The following CD59 variants were observed in gnomAD, a reference collection of about 807,000 sequenced individuals.
The protein encoded by CD59 is CD59 molecule (CD59 blood group), also known as CD59 glycoprotein.
Under a neutral mutation model 7.0 loss-of-function variants are expected in CD59, and 3 were observed. The observed-to-expected ratio is 0.43, with a 90% CI of 0.19 to 1.10. The LOEUF is 1.10. Among genes scored for constraint, CD59 ranks in the 50% least tolerant of loss-of-function variants. CD59 has a pLI of 0.29. For synonymous variants in CD59, 60 were observed against 62.0 expected (o/e 0.97, Z 0.15); for missense variants, 143 against 151.0 (o/e 0.95, Z 0.28).
At chr11:33,714,607 A>T (rs1270749278) in intron 3 of CD59, among the ~76,000 whole-genome samples, 5 of 152,206 alleles carry the variant, frequency 3.3e-5, no homozygotes, top group African/African-American at 1.2e-4. Context: ...TTTAATTGTA[A>T]ATGTTTTTAC....
intron 1 of CD59, among the ~76,000 whole-genome samples, chr11:33,732,866 T>C (rs1854459193): frequency 1.3e-5 from 2 of 152,222 alleles, no homozygotes; most frequent in East Asian, 1.9e-4. Context: ...GCAAGTGACT[T>C]TGTAGATGAG....
chr11:33,720,911 G>A (rs879589751), intron 2 of CD59, among the ~76,000 whole-genome samples: 4 of 152,178 alleles, frequency 2.6e-5, no homozygotes, highest in Admixed American at 2.6e-4. Flanking sequence ...TCTCATCTGT[G>A]GGCATGTGAG....
rs11585 is a variant in CD59 at position 33,706,159 on chromosome 11, G to A, written c.*3967C>T. ...CTGGACCTACACAGCTGCTGAAAAA[G>A]AGAAAATGTCCTTACCTACAATGAA... On this transcript the variant is annotated 3_prime_UTR_variant, in exon 4 of 4. Coordinates refer to ENST00000642928, the MANE Select transcript of CD59 (RefSeq NM_000611.6). The A allele has an allele frequency of 0.099, 15,114 of 152,004 alleles. 992 individuals carry two copies. Among genetic ancestry groups the A allele is most frequent in the East Asian group, 0.21 (1,094 of 5,166 alleles). The allele number at this position is 152,004 out of a possible 1,614,324, so 9.4% of individuals were successfully genotyped here.
At chr11:33,725,722 T>C (rs1468322560) in intron 1 of CD59, among the ~76,000 whole-genome samples, 1 of 152,134 alleles carries the variant, frequency 6.6e-6, no homozygotes, top group East Asian at 1.9e-4. Context: ...AGCAAAAATT[T>C]AGTGATACAC....
intron 3 of CD59, 94 bp downstream of exon 3, chr11:33,717,276 G>C (rs1470029604): frequency 8.0e-6 from 6 of 747,390 alleles, no homozygotes; most frequent in Non-Finnish European, 1.5e-5. Context: ...GCTATTACTT[G>C]ATGCAAGCCT....
chr11:33,718,793 A>C (rs1853919156), intron 2 of CD59: 1 of 152,116 alleles, frequency 6.6e-6, no homozygotes. Flanking sequence ...TTGCTGGGTT[A>C]TTTTTCCTTC....
At chr11:33,715,577 G>T (rs1412262641) in intron 3 of CD59, among the ~76,000 whole-genome samples, 4 of 152,078 alleles carry the variant, frequency 2.6e-5, no homozygotes, top group African/African-American at 7.2e-5. Context: ...TCTAGCCTAG[G>T]TGACAGAGCA....
rs192659157 is a variant in CD59 at position 33,712,011 on chromosome 11, A to G, written c.170-1668T>C. Among the ~76,000 whole-genome samples, 32 of 152,366 alleles carry G rather than the reference A, an allele frequency of 2.1e-4. No homozygotes were observed. The East Asian group carries it at 6.0e-3, about 28-fold the overall frequency. On this transcript the variant is annotated intron_variant, in intron 3 of 3. Coordinates refer to ENST00000642928, the MANE Select transcript of CD59 (RefSeq NM_000611.6). ...ACTGAGCAATTCCACTCACAAGTGTATATACTTCTGCCATTCTCTGGAAGG... is the reference window on the plus strand; with the variant it reads ...ACTGAGCAATTCCACTCACAAGTGTGTATACTTCTGCCATTCTCTGGAAGG...
In CD59 at chr11:33,708,755, T is replaced by C. The variant is rs1050436179; in HGVS notation, c.*1371A>G. On this transcript the variant is annotated 3_prime_UTR_variant, in exon 4 of 4. Transcript: ENST00000642928. ...AGAAGAAAGCTGGCACTGCTCAGGA[T>C]GTCTTCTTTCAGTTGCTACCATTAA... 6.6e-6 allele frequency: 1 copy of C among 152,232 alleles called. No individual in the cohort carries two copies. The highest frequency in any genetic ancestry group is 1.5e-5 in the Non-Finnish European group (1 of 68,044). The allele number at this position is 152,232 out of a possible 1,614,324, so 9.4% of individuals were successfully genotyped here. A position where few individuals can be genotyped will look rare whatever the true frequency, so the allele number is the denominator to read the frequency against.
Position 33,704,626 on chromosome 11 carries a change from C to A in CD59, c.*5500G>T, listed in dbSNP as rs1853235996. ...ACCCTAAACCTAGGGTTCTCATTTT[C>A]CAGATGAGAAAACTGAGGCATGTAA... On this transcript the variant is annotated 3_prime_UTR_variant, in exon 4 of 4. Transcript: ENST00000642928. 1.3e-5 allele frequency: 2 copies of A among 152,140 alleles called. No individual in the cohort carries two copies. Among genetic ancestry groups the A allele is most frequent in the African/African-American group, 4.8e-5 (2 of 41,416 alleles). The allele number at this position is 152,140 out of a possible 1,614,324, so 9.4% of individuals were successfully genotyped here. A position where few individuals can be genotyped will look rare whatever the true frequency, so the allele number is the denominator to read the frequency against.
intron 2 of CD59, chr11:33,719,170 G>C (rs1338191012): frequency 2.0e-5 from 3 of 152,212 alleles, no homozygotes; most frequent in Non-Finnish European, 4.4e-5. Flanking sequence ...TGGAAGCAAG[G>C]TGGGTCCTCA....
intron 3 of CD59, among the ~76,000 whole-genome samples, chr11:33,712,014 T>C (rs752028267): frequency 6.6e-6 from 1 of 152,236 alleles, no homozygotes; most frequent in Non-Finnish European, 1.5e-5. Flanking sequence ...CAAGTGTATA[T>C]ACTTCTGCCA....
chr11:33,722,866 A>G, intron 1 of CD59: 1 of 957,772 alleles, frequency 1.0e-6, no homozygotes, highest in Non-Finnish European at 1.3e-6. Flanking sequence ...TGACTCTGGA[A>G]GGCACCAGCA....
rs538823619 is a variant in CD59 at position 33,729,696 on chromosome 11, C to T, written c.-19+6686G>A. 1.5e-3 allele frequency among the ~76,000 whole-genome samples: 220 copies of T among 145,296 alleles called. 1 individual carries two copies. The highest frequency in any genetic ancestry group is 2.8e-3 in the African/African-American group (105 of 38,018). ...AAAAAGAACTTAAACCCCGTATCTC[C>T]GAGAAAAAAAAAAAATACAGGCACT... On this transcript the variant is annotated intron_variant, in intron 1 of 3. Transcript: ENST00000642928.
chr11:33,735,946 C>T (rs984005090), intron 1 of CD59, among the ~76,000 whole-genome samples: 1 of 151,958 alleles, frequency 6.6e-6, no homozygotes, highest in African/African-American at 2.4e-5. Flanking sequence ...CGCCCGACAC[C>T]TGCTTTTCAA....
chr11:33,731,559 G>C (rs966843179), intron 1 of CD59: 3 of 152,172 alleles, frequency 2.0e-5, no homozygotes, highest in African/African-American at 7.2e-5. Context: ...TAGATGATTA[G>C]ACTCCAGCCC....
rs1853494254 is a variant in CD59 at position 33,710,448 on chromosome 11, T to C, written c.170-105A>G. The C allele has an allele frequency of 1.3e-5, 12 of 901,628 alleles. No individual in the cohort carries two copies. In the South Asian group the frequency reaches 1.6e-4, roughly 12 times the overall value. The allele number at this position is 901,628 out of a possible 1,614,324, so 55.9% of individuals were successfully genotyped here. On this transcript the variant is annotated intron_variant, in intron 3 of 3. Transcript: ENST00000642928. Reference sequence around the variant, plus strand: ...GTATGTATCCTGTGCAAGTAGAGACTTCTAGGCAAGATGCTCATCCCAGGT... The same window carrying C: ...GTATGTATCCTGTGCAAGTAGAGACCTCTAGGCAAGATGCTCATCCCAGGT...
At chr11:33,717,501 T>C in intron 2 of CD59, 30 bp from the exon 3 acceptor site, 2 of 1,428,430 alleles carry the variant, frequency 1.4e-6, no homozygotes, top group South Asian at 1.2e-5. Context: ...CAGGATCTCT[T>C]AAAGCAGCAC....
At chr11:33,722,336 G>T in intron 2 of CD59, 43 bp downstream of exon 2, 1 of 1,445,566 alleles carries the variant, frequency 6.9e-7, no homozygotes, top group Non-Finnish European at 9.7e-7. Context: ...GGAGTTCATG[G>T]CCAAGGCAGC....
Sources: gnomAD v4.1 joint callset for allele counts (sites outside exome capture counted in the v4.1 genomes callset) on GRCh38, gnomAD v4.1.1 for gene constraint, MANE v1.5 for transcripts, NCBI Gene and HGNC (gene_info 2026-07-23, HGNC 2026-07-21) for gene names.